TMEM131L: variants seen among roughly 807,000 people sequenced by gnomAD.
TMEM131L encodes the protein transmembrane protein 131-like.
A neutral mutation model predicts 192.2 loss-of-function variants in TMEM131L; 54 were observed. The observed-to-expected ratio is 0.28, with a 90% CI of 0.23 to 0.35. TMEM131L has a LOEUF of 0.35. Ranked by LOEUF, TMEM131L falls within the 10% of genes least tolerant of loss-of-function variation. The pLI, the probability that TMEM131L is intolerant of heterozygous loss-of-function variation, is 1.00. For missense variants in TMEM131L, 1,888 were observed against 1,972.9 expected (o/e 0.96, Z 0.82); for synonymous variants, 701 against 704.9 (o/e 0.99, Z 0.09).
chr4:153,624,217 T>C (rs1430080182), intron 29 of TMEM131L, among the ~76,000 whole-genome samples: 4 of 151,934 alleles, frequency 2.6e-5, no homozygotes, highest in Non-Finnish European at 4.4e-5. Context: ...CTCTCGGTTT[T>C]AAGCGATTCT....
intron 3 of TMEM131L, among the ~76,000 whole-genome samples, chr4:153,533,218 C>G (rs934194501): frequency 1.3e-5 from 2 of 152,176 alleles, no homozygotes; most frequent in Middle Eastern, 3.2e-3. Flanking sequence ...CTCCCGACCT[C>G]ACTTTATCCA....
At chr4:153,494,644 C>G (rs1186739531) in intron 3 of TMEM131L, among the ~76,000 whole-genome samples, 9 of 152,184 alleles carry the variant, frequency 5.9e-5, no homozygotes, top group Non-Finnish European at 2.9e-5. Flanking sequence ...GAGGAAAGCC[C>G]CTTCTGCCAA....
intron 3 of TMEM131L, among the ~76,000 whole-genome samples, chr4:153,517,166 AT>A (rs1484600026): frequency 2.0e-5 from 3 of 152,176 alleles, no homozygotes. Flanking sequence ...CCAAATTGGT[AT>A]TATATACTTC....
chr4:153,600,660 T>C (rs1731774356), intron 21 of TMEM131L, among the ~76,000 whole-genome samples: 1 of 152,248 alleles, frequency 6.6e-6, no homozygotes, highest in African/African-American at 2.4e-5. Flanking sequence ...TTTTTAATTT[T>C]ATAAAAACAC....
intron 4 of TMEM131L, among the ~76,000 whole-genome samples, chr4:153,554,826 G>T (rs757286973): frequency 6.6e-6 from 1 of 152,228 alleles, no homozygotes; most frequent in Non-Finnish European, 1.5e-5. Flanking sequence ...GTAGGAATCA[G>T]AGTTAAGTGA....
chr4:153,522,921 G>A (rs1354956018), intron 3 of TMEM131L, among the ~76,000 whole-genome samples: 1 of 152,208 alleles, frequency 6.6e-6, no homozygotes, highest in Admixed American at 6.5e-5. Context: ...TACACTGGGT[G>A]ATCTAGACCA....
intron 9 of TMEM131L, among the ~76,000 whole-genome samples, chr4:153,582,761 A>T (rs1730448762): frequency 6.6e-6 from 1 of 152,110 alleles, no homozygotes; most frequent in Non-Finnish European, 1.5e-5. Flanking sequence ...GAGGGCTAAA[A>T]GGAAGCCTGA....
intron 3 of TMEM131L, among the ~76,000 whole-genome samples, chr4:153,512,230 T>G (rs1166877775): frequency 1.3e-5 from 2 of 152,252 alleles, no homozygotes; most frequent in South Asian, 4.1e-4. Flanking sequence ...TGCCAGAAAT[T>G]ATATTCTTTG....
chr4:153,580,963 A>G (rs1730293670), intron 8 of TMEM131L, 60 bp downstream of exon 8: 3 of 1,247,190 alleles, frequency 2.4e-6, no homozygotes, highest in Non-Finnish European at 3.5e-6. Context: ...GCTTAAAAAT[A>G]AAACACAAGG....
chr4:153,543,150 A>G (rs909261316), intron 3 of TMEM131L, among the ~76,000 whole-genome samples: 8 of 152,356 alleles, frequency 5.3e-5, no homozygotes, highest in African/African-American at 1.7e-4. Flanking sequence ...GAAAGAAACT[A>G]GGAAAATCAT....
intron 3 of TMEM131L, among the ~76,000 whole-genome samples, chr4:153,535,742 C>T (rs1736270014): frequency 6.6e-6 from 1 of 152,184 alleles, no homozygotes; most frequent in African/African-American, 2.4e-5. Context: ...CTCACAGGTT[C>T]AGAACCATTT....
intron 2 of TMEM131L, among the ~76,000 whole-genome samples, chr4:153,468,295 CAG>C (rs1291121145): frequency 6.6e-6 from 1 of 152,140 alleles, no homozygotes; most frequent in Non-Finnish European, 1.5e-5. Flanking sequence ...AGCTTCAAGG[CAG>C]AGAGGTGATT....
Position 153,588,985 on chromosome 4 carries a change from T to C in TMEM131L, c.1648T>C (p.Tyr550His), listed in dbSNP as rs771775153. ...ANKLYERWKK[Y>H]KNGDVCKRNV... is the part of the protein sequence containing the mutation. ...TAAATTGTATGAAAGATGGAAGAAA[T>C]ATAAAAATGGTGACGTCTGCAAGTA... is the stretch of plus-strand genomic sequence containing the variant. The change falls in exon 16 of 35, where the codon TAT becomes CAT. Residue 550 changes from tyrosine to histidine, a missense_variant. By Grantham distance (83) the Tyr-to-His change is moderately conservative. Coordinates refer to ENST00000409959, the MANE Select transcript of TMEM131L (RefSeq NM_001131007.2). 8.2e-6 allele frequency: 13 copies of C among 1,588,086 alleles called. No individual in the cohort carries two copies. The highest frequency in any genetic ancestry group is 1.1e-5 in the Non-Finnish European group (13 of 1,156,672).
Position 153,566,884 on chromosome 4 carries a change from C to T in TMEM131L, c.660+8516C>T, listed in dbSNP as rs918177634. Among the ~76,000 whole-genome samples the T allele has an allele frequency of 6.6e-5, 10 of 152,306 alleles. No individual in the cohort carries two copies. The East Asian group carries it at 1.9e-3, about 29-fold the overall frequency. Reference sequence around the variant, plus strand: ...ACATTTCAGACCAGGAATTCCTAACCTTTTAAAACTGGCACAGCCCTTGCT... The same window carrying T: ...ACATTTCAGACCAGGAATTCCTAACTTTTTAAAACTGGCACAGCCCTTGCT... On this transcript the variant is annotated intron_variant, in intron 7 of 34. Transcript: ENST00000409959.
intron 3 of TMEM131L, among the ~76,000 whole-genome samples, chr4:153,518,330 TATA>T (rs1190862086): frequency 6.6e-6 from 1 of 152,186 alleles, no homozygotes; most frequent in Admixed American, 6.5e-5. Context: ...GTGTTTTTGC[TATA>T]ATAGAAAGCT....
intron 12 of TMEM131L, 134 bp from the exon 13 acceptor site, chr4:153,585,324 C>T (rs1048430576): frequency 1.1e-5 from 10 of 892,520 alleles, no homozygotes; most frequent in African/African-American, 3.4e-5. Context: ...AGGCGATTGC[C>T]GAGGTTGTCT....
chr4:153,606,752 G>A (rs549512155), intron 25 of TMEM131L, among the ~76,000 whole-genome samples: 2 of 152,162 alleles, frequency 1.3e-5, no homozygotes, highest in Admixed American at 6.5e-5. Context: ...TAAAAATACT[G>A]TTTGGCTGGA....
chr4:153,572,183 A>G (rs1729634096), intron 7 of TMEM131L, among the ~76,000 whole-genome samples: 1 of 152,138 alleles, frequency 6.6e-6, no homozygotes, highest in South Asian at 2.1e-4. Flanking sequence ...TCATTTCATT[A>G]TGTTGTGAAC....
At chr4:153,596,928 T>G (rs533778507) in intron 20 of TMEM131L, among the ~76,000 whole-genome samples, 108 of 152,342 alleles carry the variant, frequency 7.1e-4, no homozygotes, top group African/African-American at 2.5e-3. Flanking sequence ...ATTTTTTAAT[T>G]GTTTTCATCT....
Sources: gnomAD v4.1 joint callset for allele counts (sites outside exome capture counted in the v4.1 genomes callset) on GRCh38, gnomAD v4.1.1 for gene constraint, MANE v1.5 for transcripts, NCBI Gene and HGNC (gene_info 2026-07-23, HGNC 2026-07-21) for gene names.